AGO3: variants seen among roughly 807,000 people sequenced by gnomAD.
AGO3 encodes the protein argonaute RISC catalytic component 3.
Under a neutral mutation model 105.5 loss-of-function variants are expected in AGO3, and 16 were observed. That is an observed-to-expected ratio of 0.15 (90% CI 0.10 to 0.23). The LOEUF is 0.23. AGO3 is among the 10% of genes least tolerant of loss of function. The pLI is 1.00. For synonymous variants in AGO3, 340 were observed against 367.3 expected (o/e 0.93, Z 0.85); for missense variants, 534 against 1,088.0 (o/e 0.49, Z 7.16).
At chr1:36,018,826 G>A (rs982626066) in intron 11 of AGO3, among the ~76,000 whole-genome samples, 8 of 151,976 alleles carry the variant, frequency 5.3e-5, no homozygotes, top group African/African-American at 1.9e-4. Context: ...TAACAGGCAT[G>A]AACTTGGAAA....
chr1:36,021,102 T>C (rs1419022430), intron 11 of AGO3, among the ~76,000 whole-genome samples: 2 of 151,988 alleles, frequency 1.3e-5, no homozygotes. Context: ...CTGGCTAATT[T>C]TTTGTATTTT....
chr1:36,054,668 G>C (rs1025730389), intron 17 of AGO3, among the ~76,000 whole-genome samples: 1 of 152,098 alleles, frequency 6.6e-6, no homozygotes, highest in Admixed American at 6.6e-5. Flanking sequence ...ATCGTTTAAG[G>C]TCAGGAGTTT....
chr1:35,979,122 T>C (rs1301111260), intron 5 of AGO3, among the ~76,000 whole-genome samples: 1 of 152,200 alleles, frequency 6.6e-6, no homozygotes, highest in Non-Finnish European at 1.5e-5. Context: ...CCCAGCACTT[T>C]GGGAGGCCGA....
chr1:35,991,250 G>A (rs1303567579), intron 5 of AGO3, among the ~76,000 whole-genome samples: 2 of 152,048 alleles, frequency 1.3e-5, no homozygotes, highest in African/African-American at 2.4e-5. Context: ...AGCCAAGATC[G>A]CGCCACTGCA....
intron 17 of AGO3, among the ~76,000 whole-genome samples, chr1:36,051,580 C>T (rs1642716676): frequency 6.6e-6 from 1 of 151,798 alleles, no homozygotes; most frequent in Non-Finnish European, 1.5e-5. Context: ...ATTAGCTGGA[C>T]GTGCTGACAT....
intron 13 of AGO3, among the ~76,000 whole-genome samples, chr1:36,035,151 CCT>C (rs957324867): frequency 3.3e-5 from 5 of 152,066 alleles, no homozygotes; most frequent in Admixed American, 1.3e-4. Flanking sequence ...ACTTTCTACC[CCT>C]GTTAAATATG....
chr1:35,945,916 A>G (rs560343792), intron 2 of AGO3, 53 bp downstream of exon 2: 3 of 1,522,694 alleles, frequency 2.0e-6, no homozygotes, highest in Non-Finnish European at 2.7e-6. Context: ...CTTAGTAATT[A>G]TCCATGTTTA....
chr1:36,064,506 G>A lies in AGO3; in HGVS notation c.*8761G>A, dbSNP rs1020485223. 1.3e-5 allele frequency: 2 copies of A among 152,144 alleles called. No individual in the cohort carries two copies. The highest frequency in any genetic ancestry group is 4.8e-5 in the African/African-American group (2 of 41,422). The allele number at this position is 152,144 out of a possible 1,614,324, so 9.4% of individuals were successfully genotyped here. On this transcript the variant is annotated 3_prime_UTR_variant, in exon 19 of 19. Coordinates refer to ENST00000373191, the MANE Select transcript of AGO3 (RefSeq NM_024852.4). ...TTAAGAAATTTCTTTTCTGTAAGTG[G>A]TTAAAAGATAAACTGTATTCCATCC...
At chr1:36,013,429 A>T in intron 9 of AGO3, 1 of 581,496 alleles carries the variant, frequency 1.7e-6, no homozygotes, top group Non-Finnish European at 2.9e-6. Flanking sequence ...AATTACCAGG[A>T]GGTCACAGAA....
intron 14 of AGO3, among the ~76,000 whole-genome samples, chr1:36,038,252 CTTTTTT>C (rs781058020): frequency 8.9e-6 from 1 of 112,656 alleles, no homozygotes; most frequent in Non-Finnish European, 1.7e-5. Flanking sequence ...TGGATTTATT[CTTTTTT>C]TTTTTTTTTT....
chr1:36,015,462 G>A (rs1171585989), intron 11 of AGO3, among the ~76,000 whole-genome samples: 2 of 152,136 alleles, frequency 1.3e-5, no homozygotes, highest in African/African-American at 4.8e-5. Flanking sequence ...TTAACCTTCG[G>A]CCCCTTTCGC....
intron 2 of AGO3, among the ~76,000 whole-genome samples, chr1:35,949,809 A>G (rs1646436305): frequency 6.6e-6 from 1 of 152,088 alleles, no homozygotes. Context: ...TATTTGCAGG[A>G]GACGAGTTCT....
intron 5 of AGO3, among the ~76,000 whole-genome samples, chr1:35,994,808 C>T (rs1011648768): frequency 6.6e-6 from 1 of 152,000 alleles, no homozygotes; most frequent in Non-Finnish European, 1.5e-5. Flanking sequence ...GTGCATGGCC[C>T]CCACGCTGAA....
intron 12 of AGO3, among the ~76,000 whole-genome samples, chr1:36,031,965 T>A (rs2148840135): frequency 6.6e-6 from 1 of 152,182 alleles, no homozygotes; most frequent in East Asian, 1.9e-4. Context: ...TGATGGACAC[T>A]TGGGTTGCTT....
chr1:36,002,055 T>TG (rs1275844654), intron 5 of AGO3, among the ~76,000 whole-genome samples: 5 of 152,248 alleles, frequency 3.3e-5, no homozygotes, highest in Non-Finnish European at 7.3e-5. Flanking sequence ...TGTCTTGCTC[T>TG]GTCACCCAGG....
intron 17 of AGO3, among the ~76,000 whole-genome samples, chr1:36,052,702 A>AGTTAATAGTATC (rs1553172577): frequency 6.6e-6 from 1 of 152,176 alleles, no homozygotes; most frequent in Non-Finnish European, 1.5e-5. Flanking sequence ...AGCCAAAAAA[A>AGTTAATAGTATC]GTTAATAGTA....
Position 35,931,352 on chromosome 1 carries a change from T to C in AGO3, c.-75T>C. ...AGAGTGCCCGTCGCGTCGCGCCGCGTCGCCCCCCGGGCCGCCTCCTTGCCG... is the reference window on the plus strand; with the variant it reads ...AGAGTGCCCGTCGCGTCGCGCCGCGCCGCCCCCCGGGCCGCCTCCTTGCCG... On this transcript the variant is annotated 5_prime_UTR_variant, in exon 1 of 19. Coordinates refer to ENST00000373191, the MANE Select transcript of AGO3 (RefSeq NM_024852.4). 1 of 1,340,176 alleles carries C rather than the reference T, an allele frequency of 7.5e-7. No individual in the cohort carries two copies. Among genetic ancestry groups the C allele is most frequent in the Non-Finnish European group, 9.7e-7 (1 of 1,029,706 alleles). The allele number at this position is 1,340,176 out of a possible 1,614,324, so 83.0% of individuals were successfully genotyped here.
chr1:36,005,343 T>A (rs1039107728), intron 6 of AGO3, among the ~76,000 whole-genome samples: 3 of 152,236 alleles, frequency 2.0e-5, no homozygotes, highest in African/African-American at 7.2e-5. Context: ...TAATACATTC[T>A]GCTTGCTCCA....
At chr1:35,994,081 T>TA (rs1448102225) in intron 5 of AGO3, among the ~76,000 whole-genome samples, 5 of 143,734 alleles carry the variant, frequency 3.5e-5, no homozygotes, top group African/African-American at 5.3e-5. Context: ...GTCAGGTTCT[T>TA]ACTCTGTCAC....
Sources: allele counts gnomAD v4.1 joint callset (sites outside exome capture counted in the v4.1 genomes callset), GRCh38; gene constraint gnomAD v4.1.1; transcripts MANE v1.5; gene names NCBI Gene and HGNC (gene_info 2026-07-23, HGNC 2026-07-21).